Variants in VWC2L observed in about 807,000 individuals in gnomAD.
VWC2L encodes von Willebrand factor C domain-containing protein 2-like.
In VWC2L, 10 loss-of-function variants were observed where a neutral mutation model predicts 21.6. The observed-to-expected ratio is 0.46, with a 90% CI of 0.29 to 0.78. VWC2L has a LOEUF of 0.78. VWC2L is among the 30% of genes least tolerant of loss of function. The probability of loss-of-function intolerance (pLI) is 0.10; values close to 1 mark genes in which losing one functional copy is unlikely to be tolerated. For synonymous variants in VWC2L, 96 were observed against 94.3 expected, an observed-to-expected ratio of 1.02 and a Z score of -0.10; for missense variants, 209 against 277.1, an observed-to-expected ratio of 0.75 and a Z score of 1.74.
At chr2:214,525,463 T>C (rs1269746165) in intron 3 of VWC2L, 14 of 152,130 alleles carry the variant, frequency 9.2e-5, no homozygotes, top group Admixed American at 9.2e-4. Context: ...GTTTGGGAAA[T>C]GCTGGATTTG....
intron 3 of VWC2L, among the ~76,000 whole-genome samples, chr2:214,501,237 C>T (rs1279078731): frequency 2.0e-5 from 3 of 152,064 alleles, no homozygotes; most frequent in South Asian, 2.1e-4. Flanking sequence ...ATCGGAAAAG[C>T]CACTCCACCT....
chr2:214,563,059 T>C (rs938371927), intron 3 of VWC2L, among the ~76,000 whole-genome samples: 4 of 152,200 alleles, frequency 2.6e-5, no homozygotes, highest in Non-Finnish European at 2.9e-5. Context: ...GTGTTGCCTA[T>C]ATTTTCTTCT....
chr2:214,463,114 T>C (rs768355955), intron 3 of VWC2L, among the ~76,000 whole-genome samples: 7 of 152,212 alleles, frequency 4.6e-5, no homozygotes, highest in Non-Finnish European at 7.4e-5. Flanking sequence ...TAGTACTATA[T>C]AAATGTCAAT....
At chr2:214,424,862 G>T (rs1362840091) in intron 2 of VWC2L, among the ~76,000 whole-genome samples, 1 of 151,948 alleles carries the variant, frequency 6.6e-6, no homozygotes, top group Non-Finnish European at 1.5e-5. Flanking sequence ...TATTTAATGC[G>T]ATTATTTATG....
At chr2:214,531,828 T>G in intron 3 of VWC2L, among the ~76,000 whole-genome samples, 1 of 152,200 alleles carries the variant, frequency 6.6e-6, no homozygotes, top group Non-Finnish European at 1.5e-5. Context: ...GTCTTAGCTA[T>G]CATAATTTTT....
In VWC2L at chr2:214,414,479, A is replaced by G. The variant is rs1454213492; in HGVS notation, c.286A>G (p.Lys96Glu). The G allele has an allele frequency of 6.2e-7, 1 of 1,613,456 alleles. No individual in the cohort carries two copies. The highest frequency in any genetic ancestry group is 2.2e-5 in the East Asian group (1 of 44,882). ...DQPECPKIHP[K>E]CTKVEHNGCC... ...ACCAGAATGCCCTAAAATTCACCCAAAGTGTACTAAAGTGGAACACAATGG... is the reference window on the plus strand; with the variant it reads ...ACCAGAATGCCCTAAAATTCACCCAGAGTGTACTAAAGTGGAACACAATGG... The change falls in exon 2 of 4, where the codon AAG becomes GAG. Residue 96 changes from lysine to glutamate, a missense_variant. Lys to Glu is a moderately conservative substitution (Grantham distance 56). Coordinates refer to ENST00000312504, the MANE Select transcript of VWC2L (RefSeq NM_001080500.4).
At chr2:214,429,512 CCT>C (rs957447064) in intron 2 of VWC2L, among the ~76,000 whole-genome samples, 19 of 151,886 alleles carry the variant, frequency 1.3e-4, no homozygotes, top group African/African-American at 4.4e-4. Flanking sequence ...TTAAATATAC[CCT>C]GATATTTCCT....
At chr2:214,510,767 A>G (rs1005733580) in intron 3 of VWC2L, among the ~76,000 whole-genome samples, 1 of 152,190 alleles carries the variant, frequency 6.6e-6, no homozygotes, top group Non-Finnish European at 1.5e-5. Flanking sequence ...GACAATTACT[A>G]AATAAATGAA....
intron 3 of VWC2L, among the ~76,000 whole-genome samples, chr2:214,471,577 G>A (rs1022538144): frequency 2.6e-5 from 4 of 152,150 alleles, no homozygotes; most frequent in Non-Finnish European, 4.4e-5. Context: ...GGGTCACATG[G>A]CTGGAAGGTT....
At chr2:214,455,301 G>A (rs1357231924) in intron 3 of VWC2L, among the ~76,000 whole-genome samples, 2 of 152,090 alleles carry the variant, frequency 1.3e-5, no homozygotes, top group Admixed American at 6.6e-5. Context: ...TATCTTTAAA[G>A]AATTATACCA....
At chr2:214,475,800 G>A (rs1688508856) in intron 3 of VWC2L, among the ~76,000 whole-genome samples, 1 of 151,584 alleles carries the variant, frequency 6.6e-6, no homozygotes, top group Admixed American at 6.6e-5. Context: ...TAGGTCAAAT[G>A]TGGCTTTCTC....
At chr2:214,414,820 C>G in intron 2 of VWC2L, 1 of 512,550 alleles carries the variant, frequency 2.0e-6, no homozygotes, top group Non-Finnish European at 3.4e-6. Flanking sequence ...GTATTTGGGG[C>G]ATACCTAACA....
In VWC2L at chr2:214,459,895, C is replaced by G. The variant is rs1703113180; in HGVS notation, c.520+23137C>G. ...TCTTGTTTCTAGAATTATTTCTTTT[C>G]CTTTGACTTTTTTTTTTTTTTTTTT... On this transcript the variant is annotated intron_variant, in intron 3 of 3. Transcript: ENST00000312504. Among the ~76,000 whole-genome samples, 3 of 137,676 alleles carry G rather than the reference C, an allele frequency of 2.2e-5. No individual in the cohort carries two copies. In the South Asian group the frequency reaches 6.7e-4, roughly 31 times the overall value. 90.3% of individuals were successfully genotyped at this position (137,676 alleles called of 152,430 possible).
intron 3 of VWC2L, among the ~76,000 whole-genome samples, chr2:214,561,885 AAT>A (rs1432489125): frequency 6.6e-5 from 10 of 150,590 alleles, no homozygotes; most frequent in Non-Finnish European, 1.0e-4. Flanking sequence ...ATATATCAAA[AAT>A]ATTTTCAACA....
intron 2 of VWC2L, among the ~76,000 whole-genome samples, chr2:214,422,136 T>C (rs1006782604): frequency 6.6e-6 from 1 of 151,320 alleles, no homozygotes; most frequent in Non-Finnish European, 1.5e-5. Flanking sequence ...GATCCGCCCG[T>C]CTCGGCCTCC....
intron 3 of VWC2L, among the ~76,000 whole-genome samples, chr2:214,573,484 C>A (rs750779139): frequency 6.6e-6 from 1 of 152,144 alleles, no homozygotes; most frequent in Non-Finnish European, 1.5e-5. Flanking sequence ...GGAACCACTG[C>A]CTCCTCCGGT....
chr2:214,463,652 T>C (rs1703174329), intron 3 of VWC2L, among the ~76,000 whole-genome samples: 1 of 152,144 alleles, frequency 6.6e-6, no homozygotes, highest in East Asian at 1.9e-4. Context: ...AACTGAATAT[T>C]GTATGATTCT....
intron 2 of VWC2L, among the ~76,000 whole-genome samples, chr2:214,434,372 A>G (rs1158211313): frequency 6.6e-6 from 1 of 152,162 alleles, no homozygotes; most frequent in African/African-American, 2.4e-5. Context: ...TTTGGCAACT[A>G]CGGTTTTCTA....
chr2:214,440,565 G>A (rs914397752), intron 3 of VWC2L, among the ~76,000 whole-genome samples: 46 of 151,874 alleles, frequency 3.0e-4, no homozygotes, highest in African/African-American at 7.7e-4. Context: ...GGAATGTCAC[G>A]GCAATATTTC....
Sources: gnomAD v4.1 joint callset for allele counts (sites outside exome capture counted in the v4.1 genomes callset) on GRCh38, gnomAD v4.1.1 for gene constraint, MANE v1.5 for transcripts, NCBI Gene and HGNC (gene_info 2026-07-23, HGNC 2026-07-21) for gene names.